The following SPTB variants were observed in gnomAD, a reference collection of about 807,000 sequenced individuals.
SPTB encodes the protein spectrin beta chain, erythrocytic.
Under a neutral mutation model 256.2 loss-of-function variants are expected in SPTB, and 45 were observed. That is an observed-to-expected ratio of 0.18 (90% CI 0.14 to 0.23). The LOEUF (loss-of-function observed/expected upper bound fraction) is 0.23, where lower values mean the gene tolerates loss of function less well. Ranked by LOEUF, SPTB falls within the 10% of genes least tolerant of loss-of-function variation. The pLI is 1.00. For synonymous variants in SPTB, 1,231 were observed against 1,243.1 expected, an observed-to-expected ratio of 0.99 and a Z score of 0.21; for missense variants, 2,715 against 3,040.4, an observed-to-expected ratio of 0.89 and a Z score of 2.52.
At chr14:64,839,802 A>G (rs1182120834) in intron 1 of SPTB, among the ~76,000 whole-genome samples, 1 of 152,222 alleles carries the variant, frequency 6.6e-6, no homozygotes, top group Non-Finnish European at 1.5e-5. Context: ...AACACGTGGT[A>G]CAAATAATGA....
At position 64,871,268 on chromosome 14, in the gene SPTB, A is replaced by G. The variant is rs182505141; in HGVS notation, c.-52+8524T>C. Among the ~76,000 whole-genome samples, 7 of 152,254 alleles carry G rather than the reference A, an allele frequency of 4.6e-5. No homozygotes were observed. In the East Asian group the frequency reaches 1.3e-3, roughly 29 times the overall value. ...CCTCGAACCCAAGTTCTGATGGAAA[A>G]CACTCCAAATCTGGGAGAAATGGTC... On this transcript the variant is annotated intron_variant, in intron 1 of 35. Coordinates refer to ENST00000644917, the MANE Select transcript of SPTB (RefSeq NM_001355436.2).
intron 1 of SPTB, among the ~76,000 whole-genome samples, chr14:64,874,914 C>T (rs2139833227): frequency 6.6e-6 from 1 of 152,262 alleles, no homozygotes; most frequent in East Asian, 1.9e-4. Flanking sequence ...CCTGGATGAT[C>T]TGAGCCTGGT....
At chr14:64,839,398 A>G (rs970418163) in intron 1 of SPTB, among the ~76,000 whole-genome samples, 12 of 152,190 alleles carry the variant, frequency 7.9e-5, no homozygotes, top group African/African-American at 2.9e-4. Context: ...CAGGAAATAA[A>G]TCAGTGGTTG....
intron 1 of SPTB, among the ~76,000 whole-genome samples, chr14:64,831,860 A>T (rs1013451784): frequency 6.6e-6 from 1 of 152,234 alleles, no homozygotes; most frequent in African/African-American, 2.4e-5. Context: ...ACAGAATGAG[A>T]TCTATAACAT....
At position 64,793,881 on chromosome 14, in the gene SPTB, G is replaced by A. The variant is rs754295352; in HGVS notation, c.1796-14C>T. The A allele has an allele frequency of 6.3e-7, 1 of 1,592,472 alleles. No individual in the cohort carries two copies. Among genetic ancestry groups the A allele is most frequent in the Admixed American group, 1.7e-5 (1 of 59,224 alleles). ...AAGGCTGGTACCCTGGAAGAAATAG[G>A]GGGAAGGAGGACAAAGTGGGGGATG... On this transcript the variant is annotated splice_polypyrimidine_tract_variant and intron_variant, in intron 13 of 35. Transcript: ENST00000644917. The surrounding 1 kb of genome is among the most constrained non-coding windows in gnomAD (Gnocchi z 7.0).
chr14:64,806,874 G>GTA lies in SPTB; in HGVS notation c.149-1785_149-1784insTA, dbSNP rs1163228072. On this transcript the variant is annotated intron_variant, in intron 2 of 35. Transcript: ENST00000644917. The surrounding 1 kb of genome is among the most constrained non-coding windows in gnomAD (Gnocchi z 4.1). ...AAGAGGAAAAGTACTACTACTGACTGTGAATCCTAAATACATGTAAAATTT... is the reference window on the plus strand; with the variant it reads ...AAGAGGAAAAGTACTACTACTGACTGTATGAATCCTAAATACATGTAAAATTT... 6.6e-6 allele frequency among the ~76,000 whole-genome samples: 1 copy of GTA among 152,028 alleles called. No individual in the cohort carries two copies. Among genetic ancestry groups the GTA allele is most frequent in the East Asian group, 1.9e-4 (1 of 5,200 alleles).
At chr14:64,783,104 T>C (rs189255360) in intron 19 of SPTB, among the ~76,000 whole-genome samples, 24 of 152,326 alleles carry the variant, frequency 1.6e-4, no homozygotes, top group Admixed American at 9.1e-4. Context: ...CTTCGGTTAC[T>C]GAGGTTGCCT....
rs201886882 is a variant in SPTB at position 64,767,890 on chromosome 14, A to C, written c.6023-31T>G. ...AGGGGGAACAGGACACAGACCCCCC[A>C]CAAGGCCCAGGGCCTGTTAGCACCC... is the stretch of plus-strand genomic sequence containing the variant. On this transcript the variant is annotated intron_variant, in intron 29 of 35. Transcript: ENST00000644917. 1.7e-5 allele frequency: 28 copies of C among 1,610,782 alleles called. No homozygotes were observed. The East Asian group carries it at 4.9e-4, about 28-fold the overall frequency.
chr14:64,849,438 C>T (rs2083744344), intron 1 of SPTB, among the ~76,000 whole-genome samples: 1 of 152,164 alleles, frequency 6.6e-6, no homozygotes, highest in Non-Finnish European at 1.5e-5. Context: ...TTATATTAAC[C>T]TAGTCCCTTC....
At chr14:64,773,191 C>A (rs777022847) in intron 25 of SPTB, 29 bp downstream of exon 25, 1 of 1,613,854 alleles carries the variant, frequency 6.2e-7, no homozygotes, top group East Asian at 2.2e-5. Context: ...TAGAGAAAGA[C>A]AAAAACAGCA....
At chr14:64,828,607 C>G (rs963202705) in intron 1 of SPTB, among the ~76,000 whole-genome samples, 2 of 152,104 alleles carry the variant, frequency 1.3e-5, no homozygotes, top group African/African-American at 4.8e-5. Context: ...AAATATTATC[C>G]TCTATTGGGA....
At chr14:64,840,260 C>T (rs2139749794) in intron 1 of SPTB, among the ~76,000 whole-genome samples, 1 of 152,310 alleles carries the variant, frequency 6.6e-6, no homozygotes, top group South Asian at 2.1e-4. Context: ...ACCTTAGGAT[C>T]CCTCCAAGTG....
chr14:64,843,516 C>T (rs923368960), intron 1 of SPTB, among the ~76,000 whole-genome samples: 17 of 152,190 alleles, frequency 1.1e-4, no homozygotes, highest in African/African-American at 4.1e-4. Context: ...TCCTTACTCT[C>T]TCATTTTCAC....
At position 64,750,072 on chromosome 14, in the gene SPTB, G is replaced by T; in HGVS notation, c.6685C>A (p.Pro2229Thr). The T allele has an allele frequency of 6.2e-7, 1 of 1,614,164 alleles. No homozygotes were observed. The highest frequency in any genetic ancestry group is 8.5e-7 in the Non-Finnish European group (1 of 1,180,030). ...KDAKNLALGM[P>T]YHGEEPLALR... is the part of the protein sequence containing the mutation. ...GCCAGGGGTTCCTCCCCATGGTAGG[G>T]CATCCCCAGGGCCAGGTTCTTGGCA... The change falls in exon 34 of 36, where the codon CCC (proline) becomes ACC (threonine). Residue 2229 changes from proline to threonine, a missense_variant. Physicochemically the swap from Pro to Thr is conservative, Grantham distance 38 (BLOSUM62 -1). Transcript: ENST00000644917.
chr14:64,755,968 C>T (rs557171723), intron 32 of SPTB: 1 of 152,350 alleles, frequency 6.6e-6, no homozygotes, highest in Non-Finnish European at 1.5e-5. Flanking sequence ...CCTGCAGGTT[C>T]ATCAGCTGAC....
At chr14:64,752,131 AT>A in intron 33 of SPTB, 1 of 1,250,262 alleles carries the variant, frequency 8.0e-7, no homozygotes, top group South Asian at 1.3e-5. Flanking sequence ...AAAAAGACAA[AT>A]AGGGCTCATG....
chr14:64,820,675 A>T (rs1420311872), intron 2 of SPTB, among the ~76,000 whole-genome samples: 2 of 152,114 alleles, frequency 1.3e-5, no homozygotes, highest in Non-Finnish European at 2.9e-5. Flanking sequence ...TGATCAACCT[A>T]GGACTGACCA....
At chr14:64,774,985 G>T in intron 23 of SPTB, 140 bp downstream of exon 23, 1 of 1,216,252 alleles carries the variant, frequency 8.2e-7, no homozygotes, top group East Asian at 2.3e-5. Context: ...AGGGAGGGCA[G>T]GGAGTCTGTG....
chr14:64,865,661 G>A (rs1348103427), intron 1 of SPTB, among the ~76,000 whole-genome samples: 2 of 152,160 alleles, frequency 1.3e-5, no homozygotes, highest in Non-Finnish European at 2.9e-5. Context: ...GGTAAGAAGG[G>A]CCTGGCTAGC....
Sources: gnomAD v4.1 joint callset for allele counts (sites outside exome capture counted in the v4.1 genomes callset) on GRCh38, gnomAD v4.1.1 for gene constraint, Gnocchi (gnomAD v3.1) non-coding constraint, MANE v1.5 for transcripts, NCBI Gene and HGNC (gene_info 2026-07-23, HGNC 2026-07-21) for gene names.